SCCPDH: variants seen among roughly 807,000 people sequenced by gnomAD.
The protein encoded by SCCPDH is saccharopine dehydrogenase-like oxidoreductase.
SCCPDH carries 34 observed loss-of-function variants against 51.5 expected under a neutral mutation model. That is an observed-to-expected ratio of 0.66 (90% CI 0.50 to 0.88). The LOEUF is 0.88. Ranked by LOEUF, SCCPDH falls within the 40% of genes least tolerant of loss-of-function variation. The probability of loss-of-function intolerance (pLI) is 0.00; values close to 1 mark genes in which losing one functional copy is unlikely to be tolerated. For synonymous variants in SCCPDH, 187 were observed against 191.3 expected (o/e 0.98, Z 0.19); for missense variants, 464 against 527.1 (o/e 0.88, Z 1.17).
Position 246,736,066 on chromosome 1 carries a change from T to TA in SCCPDH, c.384+16dup. On this transcript the variant is annotated intron_variant, in intron 3 of 11. Coordinates refer to ENST00000366510, the MANE Select transcript of SCCPDH (RefSeq NM_016002.3). ...AGTGGAGAACCTCAGGTATAAAAAA[T>TA]AAAAAGGAAAAACGTAGAATTAACA... 5 of 1,576,080 alleles carry TA rather than the reference T, an allele frequency of 3.2e-6. No individual in the cohort carries two copies. Among genetic ancestry groups the TA allele is most frequent in the Non-Finnish European group, 4.3e-6 (5 of 1,152,256 alleles).
chr1:246,738,993 G>T (rs533624294), intron 3 of SCCPDH, among the ~76,000 whole-genome samples: 1 of 152,330 alleles, frequency 6.6e-6, no homozygotes, highest in Non-Finnish European at 1.5e-5. Context: ...GTGTTTGTAT[G>T]TGTGTGACTA....
At chr1:246,738,539 A>T (rs1043421171) in intron 3 of SCCPDH, among the ~76,000 whole-genome samples, 4 of 151,588 alleles carry the variant, frequency 2.6e-5, no homozygotes, top group Admixed American at 1.3e-4. Flanking sequence ...TATTTAAAGA[A>T]CTTTTACAAG....
intron 9 of SCCPDH, among the ~76,000 whole-genome samples, chr1:246,762,841 CAA>C (rs35066232): frequency 0.047 from 4,274 of 90,904 alleles, 78 homozygotes; most frequent in Non-Finnish European, 0.063. Flanking sequence ...ATTCCTTCTC[CAA>C]AAAAAAAAAA....
intron 4 of SCCPDH, among the ~76,000 whole-genome samples, chr1:246,742,202 T>C (rs1668691872): frequency 6.6e-6 from 1 of 152,254 alleles, no homozygotes; most frequent in Non-Finnish European, 1.5e-5. Context: ...AAATATTCAG[T>C]GTTCCAATCC....
intron 2 of SCCPDH, 111 bp downstream of exon 2, chr1:246,727,115 C>T (rs1041529335): frequency 4.5e-5 from 38 of 849,984 alleles, no homozygotes; most frequent in Non-Finnish European, 6.6e-5. Context: ...AAGGCCTTAA[C>T]CCCATATGGG....
At chr1:246,731,022 T>C (rs548673242) in intron 2 of SCCPDH, among the ~76,000 whole-genome samples, 94 of 152,248 alleles carry the variant, frequency 6.2e-4, no homozygotes, top group African/African-American at 2.1e-3. Context: ...ATTGCGCCAT[T>C]GTATTCAAGC....
At chr1:246,749,046 AT>A (rs1668811962) in intron 5 of SCCPDH, among the ~76,000 whole-genome samples, 1 of 152,200 alleles carries the variant, frequency 6.6e-6, no homozygotes, top group Non-Finnish European at 1.5e-5. Context: ...TGGAGGCCAC[AT>A]GGCCCTCGGG....
intron 5 of SCCPDH, among the ~76,000 whole-genome samples, chr1:246,749,973 GAA>G (rs1461417103): frequency 1.3e-5 from 2 of 152,202 alleles, no homozygotes; most frequent in East Asian, 1.9e-4. Flanking sequence ...AAGGGGAAAA[GAA>G]AGAGATGCAG....
At chr1:246,752,990 CCT>C (rs796841796) in intron 5 of SCCPDH, among the ~76,000 whole-genome samples, 55 of 151,600 alleles carry the variant, frequency 3.6e-4, no homozygotes, top group African/African-American at 1.3e-3. Context: ...TCTCTCTCCG[CCT>C]CTCTGTCTCT....
At chr1:246,745,285 C>G (rs1668740998) in intron 5 of SCCPDH, among the ~76,000 whole-genome samples, 1 of 152,204 alleles carries the variant, frequency 6.6e-6, no homozygotes, top group Admixed American at 6.5e-5. Context: ...TAACCCAGTT[C>G]TAGGTCTGCA....
chr1:246,763,776 A>C (rs1012361071), intron 9 of SCCPDH, among the ~76,000 whole-genome samples: 1 of 152,084 alleles, frequency 6.6e-6, no homozygotes. Flanking sequence ...TGAATTCTTT[A>C]TCACCTCATT....
At chr1:246,730,765 T>C (rs763013383) in intron 2 of SCCPDH, among the ~76,000 whole-genome samples, 3 of 152,120 alleles carry the variant, frequency 2.0e-5, no homozygotes, top group Non-Finnish European at 4.4e-5. Flanking sequence ...GGTTAGAAGA[T>C]GGAACTTTGA....
At chr1:246,732,531 G>A (rs1668506941) in intron 2 of SCCPDH, among the ~76,000 whole-genome samples, 1 of 152,102 alleles carries the variant, frequency 6.6e-6, no homozygotes, top group Admixed American at 6.6e-5. Context: ...GGAACTACAG[G>A]CTCATGCCGC....
At chr1:246,741,919 A>G (rs540374722) in intron 4 of SCCPDH, among the ~76,000 whole-genome samples, 1 of 152,238 alleles carries the variant, frequency 6.6e-6, no homozygotes, top group South Asian at 2.1e-4. Flanking sequence ...ATACAAAAAA[A>G]TTAGCTGGTC....
At chr1:246,763,879 T>C (rs1203023610) in intron 9 of SCCPDH, among the ~76,000 whole-genome samples, 2 of 152,230 alleles carry the variant, frequency 1.3e-5, no homozygotes, top group East Asian at 3.8e-4. Flanking sequence ...GGAACAATTA[T>C]ATACCTATAC....
intron 1 of SCCPDH, 136 bp downstream of exon 1, chr1:246,724,748 G>A: frequency 2.6e-6 from 2 of 762,704 alleles, no homozygotes; most frequent in Non-Finnish European, 3.9e-6. Flanking sequence ...AGAGGAGAGG[G>A]AGAGATGTTT....
At chr1:246,761,118 A>G (rs1219488812) in intron 9 of SCCPDH, among the ~76,000 whole-genome samples, 2 of 151,504 alleles carry the variant, frequency 1.3e-5, no homozygotes, top group Non-Finnish European at 2.9e-5. Context: ...TTAACGTAGC[A>G]TCATTGTTCC....
intron 5 of SCCPDH, among the ~76,000 whole-genome samples, chr1:246,753,629 CG>C (rs1461024004): frequency 1.3e-5 from 2 of 151,864 alleles, no homozygotes; most frequent in African/African-American, 4.8e-5. Flanking sequence ...AGGTTTTGGG[CG>C]GGAAATTTTT....
intron 2 of SCCPDH, among the ~76,000 whole-genome samples, chr1:246,727,335 A>G (rs1268169011): frequency 6.6e-6 from 1 of 152,140 alleles, no homozygotes; most frequent in Non-Finnish European, 1.5e-5. Flanking sequence ...TTTTTTATTT[A>G]TAAATTATAT....
Sources: allele counts gnomAD v4.1 joint callset (sites outside exome capture counted in the v4.1 genomes callset), GRCh38; gene constraint gnomAD v4.1.1; transcripts MANE v1.5; gene names NCBI Gene and HGNC (gene_info 2026-07-23, HGNC 2026-07-21).